STPG2: variants seen among roughly 807,000 people sequenced by gnomAD.
STPG2 encodes the protein sperm tail PG-rich repeat containing 2.
A neutral mutation model predicts 54.2 loss-of-function variants in STPG2; 56 were observed. That is an observed-to-expected ratio of 1.03 (90% CI 0.83 to 1.29). The LOEUF (loss-of-function observed/expected upper bound fraction) is 1.29. STPG2 is among the 50% of genes most tolerant of loss of function. STPG2 has a pLI of 0.00. For synonymous variants in STPG2, 200 were observed against 181.8 expected (o/e 1.10, Z -0.81); for missense variants, 596 against 544.9 (o/e 1.09, Z -0.93).
intron 4 of STPG2, among the ~76,000 whole-genome samples, chr4:97,517,121 T>A (rs1023664957): frequency 6.6e-6 from 1 of 151,952 alleles, no homozygotes; most frequent in African/African-American, 2.4e-5. Flanking sequence ...TTGGCCAGAA[T>A]GGTCTTGAAC....
chr4:97,625,040 C>G (rs180975588), intron 10 of STPG2, among the ~76,000 whole-genome samples: 6 of 152,112 alleles, frequency 3.9e-5, no homozygotes, highest in African/African-American at 1.2e-4. Context: ...AGAAATAGAG[C>G]CTTCACCAGA....
chr4:98,032,434 G>C (rs375445336), intron 5 of STPG2, among the ~76,000 whole-genome samples: 3 of 151,822 alleles, frequency 2.0e-5, no homozygotes, highest in South Asian at 2.1e-4. Context: ...TAAAAATCAC[G>C]AGATACCATC....
At chr4:98,076,421 C>T (rs943298667) in intron 5 of STPG2, among the ~76,000 whole-genome samples, 6 of 152,064 alleles carry the variant, frequency 3.9e-5, no homozygotes, top group Admixed American at 3.3e-4. Flanking sequence ...TTTTTAATCA[C>T]AATTGAAAAT....
At chr4:97,542,066 G>T (rs928764722) in intron 4 of STPG2, among the ~76,000 whole-genome samples, 8 of 152,094 alleles carry the variant, frequency 5.3e-5, no homozygotes, top group Admixed American at 2.0e-4. Context: ...CATAGGCAAG[G>T]ACTTCATGTC....
At chr4:97,564,393 C>T (rs530061383) in intron 10 of STPG2, among the ~76,000 whole-genome samples, 72 of 152,230 alleles carry the variant, frequency 4.7e-4, no homozygotes, top group Non-Finnish European at 8.7e-4. Flanking sequence ...ATCCAATTTG[C>T]CAGTCTGTGT....
rs1370017076 is a variant in STPG2, at chr4:97,850,178, A to G, written c.1045-9246T>C. 3.4e-5 allele frequency among the ~76,000 whole-genome samples: 5 copies of G among 147,666 alleles called. No individual in the cohort carries two copies. The South Asian group carries it at 1.1e-3, about 32-fold the overall frequency. On this transcript the variant is annotated intron_variant, in intron 8 of 10. Transcript: ENST00000295268. ...CAGTAAACTATCGCAAGAACAAAAA[A>G]TCAAACACCGCGTATTCTCACTCAT...
intron 8 of STPG2, among the ~76,000 whole-genome samples, chr4:97,924,489 CA>C (rs1374722785): frequency 6.6e-6 from 1 of 152,084 alleles, no homozygotes; most frequent in Non-Finnish European, 1.5e-5. Flanking sequence ...CTGAATTGGT[CA>C]AAGTATAACT....
At chr4:97,849,228 T>C (rs1370854615) in intron 8 of STPG2, among the ~76,000 whole-genome samples, 1 of 151,098 alleles carries the variant, frequency 6.6e-6, no homozygotes, top group Non-Finnish European at 1.5e-5. Context: ...CCCTTGTAAG[T>C]TGGATTCCTA....
chr4:97,506,470 G>A (rs1325467618), intron 4 of STPG2, among the ~76,000 whole-genome samples: 2 of 151,764 alleles, frequency 1.3e-5, no homozygotes, highest in Admixed American at 6.6e-5. Flanking sequence ...AAAAATTGAT[G>A]TCAATAAACT....
intron 10 of STPG2, among the ~76,000 whole-genome samples, chr4:97,595,482 G>A (rs1396707535): frequency 6.6e-6 from 1 of 152,004 alleles, no homozygotes; most frequent in Admixed American, 6.6e-5. Context: ...TTAGCATTAG[G>A]AGATATACCT....
At chr4:97,634,179 T>C (rs925157883) in intron 10 of STPG2, among the ~76,000 whole-genome samples, 2 of 152,174 alleles carry the variant, frequency 1.3e-5, no homozygotes, top group Non-Finnish European at 2.9e-5. Context: ...AGTGGGTCCC[T>C]GACCCCTGAC....
chr4:97,506,415 A>G (rs1021760493), intron 4 of STPG2, among the ~76,000 whole-genome samples: 3 of 152,030 alleles, frequency 2.0e-5, no homozygotes, highest in Non-Finnish European at 4.4e-5. Context: ...ATAGCTTTCA[A>G]AAACGATGGC....
chr4:97,687,598 C>A (rs912159135), intron 10 of STPG2, among the ~76,000 whole-genome samples: 3 of 152,130 alleles, frequency 2.0e-5, no homozygotes, highest in African/African-American at 7.2e-5. Flanking sequence ...CCTTGGCCTC[C>A]CAAAGTGCTG....
In STPG2 at chr4:97,478,288, A is replaced by G. The variant is rs151276411; in HGVS notation, c.462+234411T>C. Among the ~76,000 whole-genome samples the G allele has an allele frequency of 5.9e-3, 895 of 152,342 alleles. 8 individuals carry two copies. The highest frequency in any genetic ancestry group is 0.017 in the Middle Eastern group (5 of 294). ...AGTACTTTTATTAAGCTAAAATTAT[A>G]AATATAAAACGAACTAATAGAAAGT... On this transcript the variant is annotated intron_variant, in intron 4 of 4. Coordinates refer to the STPG2 transcript ENST00000522676.
At chr4:98,013,901 A>T (rs188887584) in intron 5 of STPG2, among the ~76,000 whole-genome samples, 78 of 151,026 alleles carry the variant, frequency 5.2e-4, no homozygotes, top group African/African-American at 1.1e-3. Flanking sequence ...TATTTTGTTA[A>T]TTTTTTCAAA....
chr4:98,104,403 C>T (rs1739131629), intron 5 of STPG2, among the ~76,000 whole-genome samples: 1 of 152,026 alleles, frequency 6.6e-6, no homozygotes, highest in Non-Finnish European at 1.5e-5. Context: ...TTAACCAGTT[C>T]ATTCAGTTTA....
intron 10 of STPG2, among the ~76,000 whole-genome samples, chr4:97,638,897 G>A (rs1198218957): frequency 1.4e-5 from 2 of 142,054 alleles, no homozygotes; most frequent in Non-Finnish European, 3.1e-5. Context: ...ACTGTTGGTG[G>A]GACTGTAAAC....
At chr4:97,944,230 G>T (rs527842862) in intron 7 of STPG2, among the ~76,000 whole-genome samples, 1 of 152,064 alleles carries the variant, frequency 6.6e-6, no homozygotes, top group South Asian at 2.1e-4. Context: ...GAACCTCTAG[G>T]TAAGTATAAT....
At chr4:97,671,665 C>T (rs570665194) in intron 10 of STPG2, among the ~76,000 whole-genome samples, 9 of 152,224 alleles carry the variant, frequency 5.9e-5, no homozygotes, top group Non-Finnish European at 1.2e-4. Flanking sequence ...GTCAGATGGC[C>T]TCTGGAGGAG....
Sources: gnomAD v4.1 joint callset for allele counts (sites outside exome capture counted in the v4.1 genomes callset) on GRCh38, gnomAD v4.1.1 for gene constraint, MANE v1.5 for transcripts, NCBI Gene and HGNC (gene_info 2026-07-23, HGNC 2026-07-21) for gene names.